COP1: variants seen among roughly 807,000 people sequenced by gnomAD.
COP1 encodes E3 ubiquitin-protein ligase COP1.
COP1 carries 24 observed loss-of-function variants against 101.3 expected under a neutral mutation model. The observed-to-expected ratio is 0.24, with a 90% CI of 0.17 to 0.33. The LOEUF (loss-of-function observed/expected upper bound fraction) is 0.33. COP1 is among the 10% of genes least tolerant of loss of function. The pLI, the probability that COP1 is intolerant of heterozygous loss-of-function variation, is 1.00. For missense variants in COP1, 663 were observed against 906.2 expected, an observed-to-expected ratio of 0.73 and a Z score of 3.45; for synonymous variants, 347 against 341.9, an observed-to-expected ratio of 1.01 and a Z score of -0.17.
intron 11 of COP1, among the ~76,000 whole-genome samples, chr1:176,053,952 T>C (rs897790306): frequency 6.6e-6 from 1 of 152,140 alleles, no homozygotes; most frequent in Non-Finnish European, 1.5e-5. Flanking sequence ...GACTTGAATA[T>C]GGTTAGAGAA....
intron 6 of COP1, among the ~76,000 whole-genome samples, chr1:176,139,036 A>G (rs2149758310): frequency 6.6e-6 from 1 of 152,292 alleles, no homozygotes; most frequent in East Asian, 1.9e-4. Flanking sequence ...GTATCTGACA[A>G]AAGTCTAATA....
At chr1:176,102,150 C>T (rs1032458989) in intron 9 of COP1, among the ~76,000 whole-genome samples, 5 of 151,998 alleles carry the variant, frequency 3.3e-5, no homozygotes, top group African/African-American at 1.2e-4. Flanking sequence ...CCATTTGCAG[C>T]GGGGAGGAGC....
chr1:176,047,515 A>G (rs1384247179), intron 11 of COP1, among the ~76,000 whole-genome samples: 2 of 152,164 alleles, frequency 1.3e-5, no homozygotes, highest in African/African-American at 4.8e-5. Flanking sequence ...TGTAAAACTC[A>G]AAGTGTAAAG....
At chr1:176,148,192 A>G (rs1214615664) in intron 6 of COP1, among the ~76,000 whole-genome samples, 6 of 152,204 alleles carry the variant, frequency 3.9e-5, no homozygotes, top group Admixed American at 3.3e-4. Flanking sequence ...AAATCTAGTC[A>G]CAAACCACAT....
At chr1:176,150,636 A>G (rs550579421) in intron 5 of COP1, among the ~76,000 whole-genome samples, 2 of 152,358 alleles carry the variant, frequency 1.3e-5, no homozygotes, top group Non-Finnish European at 2.9e-5. Flanking sequence ...ACTTTATACA[A>G]AAAGTAACTC....
intron 11 of COP1, among the ~76,000 whole-genome samples, chr1:176,057,525 C>T (rs1380837201): frequency 3.3e-5 from 5 of 152,204 alleles, no homozygotes; most frequent in African/African-American, 4.8e-5. Flanking sequence ...TTGGTGGAGA[C>T]GGGGTTTCGC....
At chr1:176,186,057 TA>T in intron 1 of COP1, among the ~76,000 whole-genome samples, 1 of 151,852 alleles carries the variant, frequency 6.6e-6, no homozygotes, top group Non-Finnish European at 1.5e-5. Flanking sequence ...TACATAATAA[TA>T]AGAGGACACA....
intron 6 of COP1, 142 bp downstream of exon 6, chr1:176,148,864 A>T (rs1396674185): frequency 1.8e-6 from 1 of 554,690 alleles, no homozygotes; most frequent in Non-Finnish European, 3.2e-6. Flanking sequence ...AGTTAAAATA[A>T]CAAATCTTAA....
chr1:176,062,174 TTG>T (rs1674983395), intron 11 of COP1, among the ~76,000 whole-genome samples: 1 of 152,080 alleles, frequency 6.6e-6, no homozygotes, highest in Admixed American at 6.6e-5. Flanking sequence ...ATAATTTTTT[TTG>T]TGTTTTTAGT....
intron 8 of COP1, among the ~76,000 whole-genome samples, chr1:176,123,609 TG>T (rs1021668727): frequency 7.9e-5 from 12 of 152,252 alleles, no homozygotes; most frequent in Non-Finnish European, 1.5e-4. Flanking sequence ...TACAGAGACT[TG>T]ATTTTTAACT....
At chr1:176,199,352 G>A (rs1700044713) in intron 1 of COP1, among the ~76,000 whole-genome samples, 1 of 151,712 alleles carries the variant, frequency 6.6e-6, no homozygotes, top group South Asian at 2.1e-4. Flanking sequence ...AAATGGTAGA[G>A]GCAGTTTTTA....
chr1:176,118,590 C>T (rs1686593874), intron 8 of COP1, among the ~76,000 whole-genome samples: 1 of 152,072 alleles, frequency 6.6e-6, no homozygotes, highest in Admixed American at 6.6e-5. Context: ...TAGTAAGACT[C>T]CGTTTTCTAC....
chr1:176,027,016 G>A (rs569539858), intron 15 of COP1, among the ~76,000 whole-genome samples: 1 of 152,128 alleles, frequency 6.6e-6, no homozygotes, highest in South Asian at 2.1e-4. Context: ...GGCAAACACC[G>A]ACATATGGTC....
At chr1:176,140,433 C>T (rs1324529101) in intron 6 of COP1, among the ~76,000 whole-genome samples, 2 of 152,088 alleles carry the variant, frequency 1.3e-5, no homozygotes, top group African/African-American at 2.4e-5. Context: ...GTTTGGAAGA[C>T]TGAAAACTGT....
chr1:175,991,888 T>C (rs1365900658), intron 15 of COP1, among the ~76,000 whole-genome samples: 2 of 152,194 alleles, frequency 1.3e-5, no homozygotes, highest in Non-Finnish European at 2.9e-5. Flanking sequence ...CTGATAACAG[T>C]ACCTTTTTCT....
intron 15 of COP1, among the ~76,000 whole-genome samples, chr1:176,013,203 T>A (rs1664995302): frequency 6.6e-6 from 1 of 152,214 alleles, no homozygotes; most frequent in Admixed American, 6.5e-5. Flanking sequence ...TCTAAATGTT[T>A]TTGATCCAAG....
chr1:176,170,004 G>A (rs1340190382), intron 3 of COP1, among the ~76,000 whole-genome samples: 1 of 152,150 alleles, frequency 6.6e-6, no homozygotes, highest in Non-Finnish European at 1.5e-5. Context: ...TTCATCTCAA[G>A]AAACCACTTT....
chr1:175,967,675 C>A (rs560208685), intron 18 of COP1, among the ~76,000 whole-genome samples: 1 of 152,252 alleles, frequency 6.6e-6, no homozygotes, highest in African/African-American at 2.4e-5. Flanking sequence ...CTTTCCTCTG[C>A]AAATGGTTAT....
At chr1:176,158,008 T>C (rs1338523865) in intron 5 of COP1, among the ~76,000 whole-genome samples, 2 of 151,948 alleles carry the variant, frequency 1.3e-5, no homozygotes, top group Admixed American at 1.3e-4. Flanking sequence ...GAAGAAATAA[T>C]GGCTGAAAAT....
Sources: gnomAD v4.1 joint callset for allele counts (sites outside exome capture counted in the v4.1 genomes callset) on GRCh38, gnomAD v4.1.1 for gene constraint, MANE v1.5 for transcripts, NCBI Gene and HGNC (gene_info 2026-07-23, HGNC 2026-07-21) for gene names.